The following ICA1 variants were observed in gnomAD, a reference collection of about 807,000 sequenced individuals.
ICA1 encodes the protein 69 kDa islet cell autoantigen.
Under a neutral mutation model 71.0 loss-of-function variants are expected in ICA1, and 40 were observed. That is an observed-to-expected ratio of 0.56 (90% CI 0.44 to 0.73). The LOEUF is 0.73. Among genes scored for constraint, ICA1 ranks in the 30% least tolerant of loss-of-function variants. The pLI is 0.00. For missense variants in ICA1, 578 were observed against 576.5 expected, an observed-to-expected ratio of 1.00 and a Z score of -0.03; for synonymous variants, 207 against 209.5, an observed-to-expected ratio of 0.99 and a Z score of 0.10.
In ICA1 at chr7:8,132,454, T is replaced by C. The variant is rs1267550610; in HGVS notation, c.1061-4312A>G. ...CATACTCTACTTTGGCTCTACTCTT[T>C]TCTCAGCTGCCTGTAATTAAGTTCC... On this transcript the variant is annotated intron_variant, in intron 12 of 13. Transcript: ENST00000402384. This position sits in a 1 kb window ranked among gnomAD's most constrained non-coding sequence, Gnocchi z 4.5. Among the ~76,000 whole-genome samples, 1 of 152,194 alleles carries C rather than the reference T, an allele frequency of 6.6e-6. No individual in the cohort carries two copies. The highest frequency in any genetic ancestry group is 1.5e-5 in the Non-Finnish European group (1 of 68,020).
intron 6 of ICA1, among the ~76,000 whole-genome samples, chr7:8,162,376 T>G (rs1804189165): frequency 6.6e-6 from 1 of 152,238 alleles, no homozygotes; most frequent in Non-Finnish European, 1.5e-5. Flanking sequence ...TGCTGAGCCC[T>G]TTCCCTGCCA....
intron 8 of ICA1, among the ~76,000 whole-genome samples, chr7:8,155,695 T>A (rs1332901098): frequency 4.6e-5 from 7 of 152,192 alleles, no homozygotes; most frequent in Middle Eastern, 3.2e-3. Context: ...TAAAAGCCTC[T>A]GCTTTATCAA....
At position 8,130,680 on chromosome 7, in the gene ICA1, T is replaced by C. The variant is rs1022053290; in HGVS notation, c.1061-2538A>G. Among the ~76,000 whole-genome samples, 2 of 152,132 alleles carry C rather than the reference T, an allele frequency of 1.3e-5. No individual in the cohort carries two copies. Among genetic ancestry groups the C allele is most frequent in the Non-Finnish European group, 1.5e-5 (1 of 68,036 alleles). The stretch of plus-strand genomic sequence containing the variant: ...CTTCTACAGTCGCTTTATACAGCCC[T>C]CCACTAAGTCAAACCCTCAGGGAGG... On this transcript the variant is annotated intron_variant, in intron 12 of 13. Coordinates refer to ENST00000402384, the MANE Select transcript of ICA1 (RefSeq NM_001136020.3). The surrounding 1 kb of genome is among the most constrained non-coding windows in gnomAD (Gnocchi z 4.2).
intron 6 of ICA1, among the ~76,000 whole-genome samples, chr7:8,160,685 A>T (rs1279967376): frequency 6.6e-6 from 1 of 152,216 alleles, no homozygotes; most frequent in Non-Finnish European, 1.5e-5. Context: ...CTGTCCTAAG[A>T]CTTCTTCTGT....
chr7:8,231,576 G>A (rs991661860), intron 3 of ICA1, among the ~76,000 whole-genome samples: 1 of 152,104 alleles, frequency 6.6e-6, no homozygotes, highest in Non-Finnish European at 1.5e-5. Context: ...AGAAAACGAG[G>A]ATATGAGAAA....
intron 6 of ICA1, among the ~76,000 whole-genome samples, chr7:8,160,836 A>C (rs1387916720): frequency 6.6e-6 from 1 of 152,212 alleles, no homozygotes; most frequent in Non-Finnish European, 1.5e-5. Context: ...TCTGACTATA[A>C]AAAGAGTCTA....
At chr7:8,164,606 A>G (rs560926539) in intron 6 of ICA1, among the ~76,000 whole-genome samples, 7 of 152,222 alleles carry the variant, frequency 4.6e-5, no homozygotes, top group African/African-American at 7.2e-5. Flanking sequence ...TTCTTCCCCA[A>G]TCAGCTCTAA....
At chr7:8,240,703 G>A (rs1583665041) in intron 1 of ICA1, among the ~76,000 whole-genome samples, 1 of 152,152 alleles carries the variant, frequency 6.6e-6, no homozygotes, top group East Asian at 1.9e-4. Flanking sequence ...AATAAACAGT[G>A]TAGAGAAGAC....
chr7:8,201,638 G>A (rs1789729190), intron 6 of ICA1, among the ~76,000 whole-genome samples: 1 of 152,178 alleles, frequency 6.6e-6, no homozygotes, highest in South Asian at 2.1e-4. Flanking sequence ...GATGAAAAAG[G>A]GCCGAGTTTA....
At chr7:8,163,899 T>C (rs1804847180) in intron 6 of ICA1, among the ~76,000 whole-genome samples, 3 of 152,124 alleles carry the variant, frequency 2.0e-5, no homozygotes, top group Admixed American at 1.3e-4. Context: ...TATCCTGGAA[T>C]AGCAGAAAAA....
intron 10 of ICA1, among the ~76,000 whole-genome samples, chr7:8,140,403 T>C (rs969320579): frequency 2.6e-5 from 4 of 152,230 alleles, no homozygotes; most frequent in Middle Eastern, 3.2e-3. Context: ...CTGTTTCTTC[T>C]GCTTTGACAA....
chr7:8,220,954 G>A (rs1048904671), intron 5 of ICA1, among the ~76,000 whole-genome samples: 1 of 151,998 alleles, frequency 6.6e-6, no homozygotes, highest in Non-Finnish European at 1.5e-5. Context: ...AAGGGGACCA[G>A]ACTGATTGCT....
At chr7:8,140,247 C>T (rs1794752239) in intron 10 of ICA1, among the ~76,000 whole-genome samples, 1 of 152,116 alleles carries the variant, frequency 6.6e-6, no homozygotes. Context: ...AGCTTGCATC[C>T]ATATAGACAG....
At chr7:8,161,923 C>G (rs918383278) in intron 6 of ICA1, among the ~76,000 whole-genome samples, 1 of 152,144 alleles carries the variant, frequency 6.6e-6, no homozygotes, top group Admixed American at 6.6e-5. Flanking sequence ...CTGATATAAA[C>G]TGTAAGGAAA....
At chr7:8,238,944 T>C (rs1475113009) in intron 1 of ICA1, among the ~76,000 whole-genome samples, 1 of 152,204 alleles carries the variant, frequency 6.6e-6, no homozygotes, top group African/African-American at 2.4e-5. Flanking sequence ...TATAATAGGC[T>C]TTGCAAGTCA....
At position 8,212,384 on chromosome 7, in the gene ICA1, G is replaced by A. The variant is rs577092781; in HGVS notation, c.579+5921C>T. On this transcript the variant is annotated intron_variant, in intron 6 of 13. Coordinates refer to ENST00000402384, the MANE Select transcript of ICA1 (RefSeq NM_001136020.3). ...GCTTGAGACCAGCCTGGCCAACATG[G>A]TGAAACCCCATCTCTACTAAAAATA... Among the ~76,000 whole-genome samples, 46 of 152,294 alleles carry A rather than the reference G, an allele frequency of 3.0e-4. No individual in the cohort carries two copies. The South Asian group carries it at 7.0e-3, about 23-fold the overall frequency.
intron 13 of ICA1, among the ~76,000 whole-genome samples, chr7:8,120,613 G>T (rs182015852): frequency 3.3e-5 from 5 of 152,318 alleles, no homozygotes; most frequent in African/African-American, 7.2e-5. Context: ...TGTCAGGAGA[G>T]GGGTGGTGAC....
chr7:8,149,256 GTC>G lies in ICA1; in HGVS notation c.805-5286_805-5285del, dbSNP rs1250309850. Among the ~76,000 whole-genome samples the G allele has an allele frequency of 4.6e-5, 7 of 152,296 alleles. No individual in the cohort carries two copies. The East Asian group carries it at 1.2e-3, about 25-fold the overall frequency. ...TGTTTCTAAACCCCAAACCCACTCA[GTC>G]TCTCATTAAAATTGCTCATGAAAAT... On this transcript the variant is annotated intron_variant, in intron 8 of 13. Transcript: ENST00000402384.
intron 6 of ICA1, among the ~76,000 whole-genome samples, chr7:8,213,370 C>G (rs1307047025): frequency 2.0e-5 from 3 of 152,172 alleles, no homozygotes; most frequent in African/African-American, 7.2e-5. Flanking sequence ...CTGTATGGAT[C>G]CAAACTGGAA....
Sources: gnomAD v4.1 joint callset for allele counts (sites outside exome capture counted in the v4.1 genomes callset) on GRCh38, gnomAD v4.1.1 for gene constraint, Gnocchi (gnomAD v3.1) non-coding constraint, MANE v1.5 for transcripts, NCBI Gene and HGNC (gene_info 2026-07-23, HGNC 2026-07-21) for gene names.